TTK: variants seen among roughly 807,000 people sequenced by gnomAD.
The protein encoded by TTK is TTK protein kinase, also known as dual specificity protein kinase TTK.
In TTK, 59 loss-of-function variants were observed where a neutral mutation model predicts 117.3. The observed-to-expected ratio is 0.50, with a 90% CI of 0.41 to 0.62. TTK has a LOEUF of 0.62. Among genes scored for constraint, TTK ranks in the 20% least tolerant of loss-of-function variants. TTK has a pLI of 0.00. For synonymous variants in TTK, 302 were observed against 325.0 expected (o/e 0.93, Z 0.76); for missense variants, 921 against 989.4 (o/e 0.93, Z 0.93).
At chr6:80,013,200 C>A in intron 8 of TTK, 79 bp from the exon 9 acceptor site, 1 of 1,173,542 alleles carries the variant, frequency 8.5e-7, no homozygotes, top group East Asian at 2.7e-5. Context: ...ATTAAAAATC[C>A]AACTTGAGAT....
chr6:80,033,753 T>C (rs1767818171), intron 14 of TTK, among the ~76,000 whole-genome samples: 1 of 138,618 alleles, frequency 7.2e-6, no homozygotes, highest in Non-Finnish European at 1.6e-5. Flanking sequence ...AAATAAGGTA[T>C]GTGCATTACC....
intron 12 of TTK, 129 bp from the exon 13 acceptor site, chr6:80,027,756 T>C: frequency 1.6e-6 from 1 of 608,782 alleles, no homozygotes; most frequent in Non-Finnish European, 2.6e-6. Flanking sequence ...AGCTATATCA[T>C]GAAAACTAAC....
chr6:80,022,494 A>T (rs1387679598), intron 11 of TTK, 22 bp downstream of exon 11: 2 of 1,605,298 alleles, frequency 1.2e-6, no homozygotes, highest in Admixed American at 1.7e-5. Flanking sequence ...ACTAAAGTAC[A>T]ATATTGCTTT....
At chr6:80,004,807 C>G (rs1358228273) in intron 1 of TTK, 94 bp downstream of exon 1, 7 of 137,586 alleles carry the variant, frequency 5.1e-5, no homozygotes, top group African/African-American at 1.9e-4. Context: ...AGGGGTGGGG[C>G]GAGGTGGGGG....
At chr6:80,031,078 A>G (rs1203612601) in intron 13 of TTK, among the ~76,000 whole-genome samples, 2 of 151,440 alleles carry the variant, frequency 1.3e-5, no homozygotes, top group Admixed American at 6.6e-5. Context: ...TGCAGCTATA[A>G]TTATGTGTGT....
intron 5 of TTK, 47 bp downstream of exon 5, chr6:80,011,004 A>C (rs369756266): frequency 1.3e-6 from 2 of 1,539,268 alleles, no homozygotes; most frequent in Non-Finnish European, 1.8e-6. Context: ...GTAGTACTTC[A>C]AATAAAGATT....
At chr6:80,040,461 A>G in intron 20 of TTK, 145 bp from the exon 21 acceptor site, 2 of 881,490 alleles carry the variant, frequency 2.3e-6, no homozygotes, top group Admixed American at 3.4e-5. Flanking sequence ...TACTTCTGGT[A>G]TTTATTTTTA....
chr6:80,029,926 TCA>T (rs1767708951), intron 13 of TTK, among the ~76,000 whole-genome samples: 1 of 152,166 alleles, frequency 6.6e-6, no homozygotes, highest in Non-Finnish European at 1.5e-5. Flanking sequence ...TTGGCAATGT[TCA>T]CAGTTTTAAA....
chr6:80,032,384 A>C (rs151662), intron 14 of TTK, among the ~76,000 whole-genome samples: 93,865 of 151,862 alleles, frequency 0.62, 29,440 homozygotes, highest in Admixed American at 0.73. Context: ...AGTCCTCAGC[A>C]TTCTTTCATC....
intron 4 of TTK, among the ~76,000 whole-genome samples, chr6:80,008,929 CTGTGTGTGTG>C (rs3049166): frequency 2.6e-3 from 370 of 142,396 alleles, no homozygotes; most frequent in Middle Eastern, 7.1e-3. Context: ...AACTATATAT[CTGTGTGTGTG>C]TGTGTGTGTG....
Position 80,031,467 on chromosome 6 carries a change from G to A in TTK, c.1522G>A (p.Val508Ile), listed in dbSNP as rs775303379. 2.0e-6 allele frequency: 3 copies of A among 1,493,384 alleles called. No homozygotes were observed. Among genetic ancestry groups the A allele is most frequent in the Non-Finnish European group, 2.7e-6 (3 of 1,127,406 alleles). The allele number at this position is 1,493,384 out of a possible 1,614,324, so 92.5% of individuals were successfully genotyped here. A position where few individuals can be genotyped will look rare whatever the true frequency, so the allele number is the denominator to read the frequency against. Residue 508 changes from valine to isoleucine, a missense_variant and splice_region_variant, in exon 14 of 22, where the codon GTT becomes ATT. Physicochemically the swap from Val to Ile is conservative, Grantham distance 29 (BLOSUM62 3). Transcript: ENST00000369798. ...ILATPLQNLQ[V>I]LASSSANECI... ...TTATTTATATATTTTACTTATTTAG[G>A]TTTTAGCATCTTCTTCAGCAAATGA...
At chr6:80,018,676 T>C (rs1767378990) in intron 10 of TTK, among the ~76,000 whole-genome samples, 1 of 151,890 alleles carries the variant, frequency 6.6e-6, no homozygotes, top group African/African-American at 2.4e-5. Flanking sequence ...TGAATCCTTT[T>C]AACTTTCTTT....
intron 5 of TTK, 49 bp from the exon 6 acceptor site, chr6:80,011,385 A>T (rs762165409): frequency 1.6e-6 from 2 of 1,275,772 alleles, no homozygotes; most frequent in Non-Finnish European, 2.2e-6. Flanking sequence ...ACTTTTTTGT[A>T]CTTGTCTTAT....
At chr6:80,035,848 T>C (rs1262505507) in intron 16 of TTK, among the ~76,000 whole-genome samples, 1 of 152,134 alleles carries the variant, frequency 6.6e-6, no homozygotes, top group Non-Finnish European at 1.5e-5. Flanking sequence ...CCTTCTGGGT[T>C]GGTTTTTACT....
intron 10 of TTK, among the ~76,000 whole-genome samples, chr6:80,014,911 G>C (rs991214454): frequency 6.6e-6 from 1 of 152,108 alleles, no homozygotes; most frequent in African/African-American, 2.4e-5. Flanking sequence ...TTTATCAAGC[G>C]TTTGGTTTTC....
At chr6:80,042,065 G>A in intron 21 of TTK, 54 bp from the exon 22 acceptor site, 2 of 1,058,284 alleles carry the variant, frequency 1.9e-6, no homozygotes, top group Non-Finnish European at 1.4e-6. Flanking sequence ...CTACTGATGT[G>A]ACAGTACATT....
rs1441870045 is a variant in TTK at position 80,005,936 on chromosome 6, C to A, written c.93C>A (p.Asp31Glu). 2 of 1,612,050 alleles carry A rather than the reference C, an allele frequency of 1.2e-6. No individual in the cohort carries two copies. Among genetic ancestry groups the A allele is most frequent in the Admixed American group, 1.7e-5 (1 of 59,496 alleles). ...RDIKNKFKNE[D>E]LTDELSLNKI... ...TTAAAAATAAGTTTAAAAATGAAGACCTTACTGATGAACTAAGCTTGAATA... is the reference window on the plus strand; with the variant it reads ...TTAAAAATAAGTTTAAAAATGAAGAACTTACTGATGAACTAAGCTTGAATA... Residue 31 changes from aspartate to glutamate, a missense_variant, in exon 2 of 22, where the codon GAC becomes GAA. Physicochemically the swap from Asp to Glu is conservative, Grantham distance 45. Transcript: ENST00000369798.
rs2127674263 is a variant in TTK at position 80,019,637 on chromosome 6, G to A, written c.1109-2687G>A. 2.6e-5 allele frequency among the ~76,000 whole-genome samples: 4 copies of A among 152,242 alleles called. 1 individual carries two copies. In the South Asian group the frequency reaches 8.3e-4, roughly 32 times the overall value. On this transcript the variant is annotated intron_variant, in intron 10 of 21. Transcript: ENST00000369798. ...ACCATTTTTACAGTCTGAGTAACAG[G>A]TAAACAACCTAAGTAAGAATCTTAG...
chr6:80,010,462 G>T lies in TTK; in HGVS notation c.470-352G>T, dbSNP rs192973860. Among the ~76,000 whole-genome samples the T allele has an allele frequency of 3.4e-3, 510 of 149,952 alleles. 7 individuals carry two copies. Among genetic ancestry groups the T allele is most frequent in the Non-Finnish European group, 8.0e-4 (54 of 67,442 alleles). ...TTTGTAACATCTAGAATGCCCTCCT[G>T]TTTCTAACTGTTGTGATTGGCCTTT... On this transcript the variant is annotated intron_variant, in intron 4 of 21. Transcript: ENST00000369798.
Sources: gnomAD v4.1 joint callset for allele counts (sites outside exome capture counted in the v4.1 genomes callset) on GRCh38, gnomAD v4.1.1 for gene constraint, MANE v1.5 for transcripts, NCBI Gene and HGNC (gene_info 2026-07-23, HGNC 2026-07-21) for gene names.